Variants in C9 observed in about 807,000 individuals in gnomAD.
The protein encoded by C9 is complement C9.
C9 carries 63 observed loss-of-function variants against 65.4 expected under a neutral mutation model. The ratio of observed to expected loss-of-function variants is 0.96; its 90% CI spans 0.79 to 1.19. The LOEUF (loss-of-function observed/expected upper bound fraction) is 1.19, where lower values mean the gene tolerates loss of function less well. Among genes scored for constraint, C9 ranks in the 50% most tolerant of loss-of-function variants. The probability of loss-of-function intolerance (pLI) is 0.00; values close to 1 mark genes in which losing one functional copy is unlikely to be tolerated. For synonymous variants in C9, 229 were observed against 227.9 expected (o/e 1.00, Z -0.04); for missense variants, 744 against 670.1 (o/e 1.11, Z -1.22).
At chr5:39,311,764 A>G (rs980687051) in intron 6 of C9, among the ~76,000 whole-genome samples, 2 of 152,212 alleles carry the variant, frequency 1.3e-5, no homozygotes, top group Non-Finnish European at 1.5e-5. Context: ...ATAGCTTAAA[A>G]TTGAAAACAT....
chr5:39,356,053 C>G (rs75397082), intron 1 of C9, among the ~76,000 whole-genome samples: 2,664 of 152,204 alleles, frequency 0.018, 80 homozygotes, highest in African/African-American at 0.061. Flanking sequence ...GGGAGATCAG[C>G]CCATAACACT....
intron 1 of C9, among the ~76,000 whole-genome samples, chr5:39,358,102 A>C (rs770977196): frequency 6.6e-6 from 1 of 152,078 alleles, no homozygotes; most frequent in Non-Finnish European, 1.5e-5. Flanking sequence ...ATCTGACTAC[A>C]CCTATGTGGG....
intron 6 of C9, 96 bp from the exon 7 acceptor site, chr5:39,311,473 G>A (rs758999242): frequency 1.7e-6 from 2 of 1,192,694 alleles, no homozygotes; most frequent in Non-Finnish European, 2.5e-6. Flanking sequence ...GGCACTAAAT[G>A]TTTTAGCAGT....
intron 6 of C9, among the ~76,000 whole-genome samples, chr5:39,314,974 G>A (rs987533567): frequency 4.6e-5 from 7 of 152,098 alleles, no homozygotes; most frequent in Non-Finnish European, 1.5e-5. Flanking sequence ...TATATTCTAA[G>A]TACCTAGGCC....
At chr5:39,287,107 T>C (rs1161115444) in intron 10 of C9, among the ~76,000 whole-genome samples, 1 of 151,992 alleles carries the variant, frequency 6.6e-6, no homozygotes, top group Non-Finnish European at 1.5e-5. Flanking sequence ...TGAATAATTC[T>C]ACCAGAATGA....
chr5:39,362,701 A>T (rs970168629), intron 1 of C9, among the ~76,000 whole-genome samples: 5 of 152,228 alleles, frequency 3.3e-5, no homozygotes, highest in Admixed American at 6.5e-5. Context: ...TGAGCCTGGG[A>T]AGTCTAGCTT....
At chr5:39,346,902 C>G (rs1309149616) in intron 1 of C9, among the ~76,000 whole-genome samples, 1 of 152,152 alleles carries the variant, frequency 6.6e-6, no homozygotes, top group Admixed American at 6.5e-5. Context: ...AGCATATAAA[C>G]AGAAACAAAG....
intron 4 of C9, 36 bp downstream of exon 4, chr5:39,341,110 C>T (rs765122215): frequency 1.7e-5 from 27 of 1,610,520 alleles, no homozygotes; most frequent in Non-Finnish European, 2.2e-5. Flanking sequence ...CATTTTCACT[C>T]ATTTTCATCT....
intron 8 of C9, 70 bp downstream of exon 8, chr5:39,308,160 G>C: frequency 7.4e-7 from 1 of 1,354,124 alleles, no homozygotes; most frequent in South Asian, 1.2e-5. Context: ...AGGGCTCATT[G>C]CAAGAGGGCA....
intron 1 of C9, among the ~76,000 whole-genome samples, chr5:39,357,427 T>G (rs1754429825): frequency 6.6e-6 from 1 of 152,246 alleles, no homozygotes; most frequent in African/African-American, 2.4e-5. Context: ...TTCTCTCATG[T>G]GCTTTAAATG....
At chr5:39,362,883 C>T (rs564914268) in intron 1 of C9, among the ~76,000 whole-genome samples, 1 of 152,252 alleles carries the variant, frequency 6.6e-6, no homozygotes, top group Admixed American at 6.5e-5. Flanking sequence ...GAGGGCATAG[C>T]AATGGGAGCC....
chr5:39,302,389 A>T (rs923887222), intron 9 of C9, among the ~76,000 whole-genome samples: 5 of 152,160 alleles, frequency 3.3e-5, no homozygotes, highest in Non-Finnish European at 5.9e-5. Context: ...TAGTTTAATA[A>T]TAAATAGGTG....
At chr5:39,310,621 T>C (rs1753464732) in intron 7 of C9, among the ~76,000 whole-genome samples, 1 of 152,078 alleles carries the variant, frequency 6.6e-6, no homozygotes, top group Non-Finnish European at 1.5e-5. Flanking sequence ...ATGAGAAGTG[T>C]CATCACATGA....
intron 10 of C9, among the ~76,000 whole-genome samples, chr5:39,287,843 G>A (rs1241462483): frequency 6.6e-6 from 1 of 151,874 alleles, no homozygotes; most frequent in Non-Finnish European, 1.5e-5. Flanking sequence ...GATGGGAGGG[G>A]GATGAGGGTT....
At chr5:39,325,846 A>G (rs1276701229) in intron 5 of C9, among the ~76,000 whole-genome samples, 6 of 151,756 alleles carry the variant, frequency 4.0e-5, no homozygotes, top group Non-Finnish European at 7.4e-5. Context: ...TACAATTTAG[A>G]TCATTCTCTC....
In C9 at chr5:39,355,707, G is replaced by C. The variant is rs114017384; in HGVS notation, c.77+8681C>G. On this transcript the variant is annotated intron_variant, in intron 1 of 10. Transcript: ENST00000263408. ...ACCATAACAAAGTACCACAGACTGG[G>C]TGCCTTAAACAACAGAAATTTATTT... is the stretch of plus-strand genomic sequence containing the variant. Among the ~76,000 whole-genome samples the C allele has an allele frequency of 2.6e-3, 401 of 152,294 alleles. 3 individuals carry two copies. The highest frequency in any genetic ancestry group is 9.4e-3 in the African/African-American group (391 of 41,546).
intron 1 of C9, among the ~76,000 whole-genome samples, chr5:39,355,119 T>G (rs1039644024): frequency 6.6e-6 from 1 of 152,190 alleles, no homozygotes; most frequent in Non-Finnish European, 1.5e-5. Context: ...CAAGATAGAT[T>G]ACTTCCTTGG....
chr5:39,334,527 C>A (rs1753920040), intron 4 of C9, among the ~76,000 whole-genome samples: 1 of 128,040 alleles, frequency 7.8e-6, no homozygotes, highest in East Asian at 2.1e-4. Context: ...AGGTGGGGGT[C>A]AGCCCCCGCC....
At chr5:39,343,415 G>C (rs1394687465) in intron 1 of C9, among the ~76,000 whole-genome samples, 1 of 152,228 alleles carries the variant, frequency 6.6e-6, no homozygotes, top group East Asian at 1.9e-4. Context: ...CAGGCCCATG[G>C]AGACTTGCTC....
Sources: allele counts gnomAD v4.1 joint callset (sites outside exome capture counted in the v4.1 genomes callset), GRCh38; gene constraint gnomAD v4.1.1; transcripts MANE v1.5; gene names NCBI Gene and HGNC (gene_info 2026-07-23, HGNC 2026-07-21).